WNT7B: variants seen among roughly 807,000 people sequenced by gnomAD.
The protein encoded by WNT7B is Wnt family member 7B.
A neutral mutation model predicts 38.2 loss-of-function variants in WNT7B; 19 were observed. The observed-to-expected ratio is 0.50, with a 90% confidence interval of 0.35 to 0.73. WNT7B has a LOEUF of 0.73. Ranked by LOEUF, WNT7B falls within the 30% of genes least tolerant of loss-of-function variation. WNT7B has a pLI of 0.01. For missense variants in WNT7B, 423 were observed against 507.9 expected (o/e 0.83, Z 1.61); for synonymous variants, 243 against 209.3 (o/e 1.16, Z -1.39).
intron 2 of WNT7B, among the ~76,000 whole-genome samples, chr22:45,932,381 G>A (rs1828438337): frequency 1.3e-5 from 2 of 151,884 alleles, no homozygotes; most frequent in African/African-American, 4.8e-5. Flanking sequence ...CCAAGGCCCG[G>A]GTCTGAGGCC....
chr22:45,935,722 C>T (rs1931498434), intron 2 of WNT7B: 2 of 801,570 alleles, frequency 2.5e-6, no homozygotes, highest in South Asian at 5.7e-5. Flanking sequence ...CTCCCCCACA[C>T]CACCTTATCT....
rs1383651980 is a variant in WNT7B, at chr22:45,921,094, C to T, written c.*1762G>A. The T allele has an allele frequency of 6.6e-6, 1 of 152,198 alleles. No homozygotes were observed. The highest frequency in any genetic ancestry group is 1.5e-5 in the Non-Finnish European group (1 of 68,138). 9.4% of individuals were successfully genotyped at this position (152,198 alleles called of 1,614,324 possible). On this transcript the variant is annotated 3_prime_UTR_variant, in exon 4 of 4. Transcript: ENST00000339464. ...TTGGCTTGTCGGCTGCTCAAGAACA[C>T]ATTCCTACGGGCTTCCAAGAGAACA...
At chr22:45,948,018 AG>A (rs1408766479) in intron 2 of WNT7B, among the ~76,000 whole-genome samples, 1 of 152,124 alleles carries the variant, frequency 6.6e-6, no homozygotes, top group Non-Finnish European at 1.5e-5. Flanking sequence ...ATAAAGTCCA[AG>A]CTCCCAGCCC....
chr22:45,928,105 GAGAAC>G (rs1931150968), intron 3 of WNT7B, among the ~76,000 whole-genome samples: 1 of 152,302 alleles, frequency 6.6e-6, no homozygotes, highest in South Asian at 2.1e-4. Flanking sequence ...AGAGCTGAGA[GAGAAC>G]AGGTGTCCTT....
intron 3 of WNT7B, chr22:45,927,533 A>G (rs1931126055): frequency 1.9e-5 from 29 of 1,513,924 alleles, no homozygotes; most frequent in Non-Finnish European, 2.3e-5. Flanking sequence ...GTGGTCAAGG[A>G]AACAACGGAG....
chr22:45,931,912 A>G (rs1280728065), intron 2 of WNT7B, among the ~76,000 whole-genome samples: 1 of 152,186 alleles, frequency 6.6e-6, no homozygotes, highest in African/African-American at 2.4e-5. Flanking sequence ...ACCCCCAGCC[A>G]GGAACCCAGG....
At chr22:45,972,959 G>A (rs1357916442) in intron 1 of WNT7B, among the ~76,000 whole-genome samples, 2 of 152,254 alleles carry the variant, frequency 1.3e-5, no homozygotes, top group Admixed American at 6.5e-5. Flanking sequence ...CTCTGCCCCC[G>A]TGTGCCCTGG....
chr22:45,956,258 T>A (rs1465763496), intron 1 of WNT7B, among the ~76,000 whole-genome samples: 1 of 152,176 alleles, frequency 6.6e-6, no homozygotes, highest in Non-Finnish European at 1.5e-5. Context: ...ACAGCTCCCA[T>A]CCATCTCAGA....
In WNT7B at chr22:45,976,746, T is replaced by G. The variant is rs1366131409; in HGVS notation, c.9A>C (p.Arg3Ser). MH[R>S]NFRKWIFYVF... ...CGTAGAAAATCCACTTGCGAAAGTTTCTGTGCATGATCCAGGGAGGGGGGC... is the reference window on the plus strand; with the variant it reads ...CGTAGAAAATCCACTTGCGAAAGTTGCTGTGCATGATCCAGGGAGGGGGGC... The change falls in exon 1 of 4, where the codon AGA becomes AGC. Residue 3 changes from arginine to serine, a missense_variant. By Grantham distance (110) the Arg-to-Ser change is moderately radical (BLOSUM62 -1). Transcript: ENST00000339464. The surrounding 1 kb of genome is among the most constrained non-coding windows in gnomAD (Gnocchi z 8.5). The G allele has an allele frequency of 6.2e-7, 1 of 1,609,002 alleles. No individual in the cohort carries two copies. Among genetic ancestry groups the G allele is most frequent in the South Asian group, 1.1e-5 (1 of 90,850 alleles).
chr22:45,954,401 T>A (rs924214825), intron 1 of WNT7B, among the ~76,000 whole-genome samples: 1 of 152,184 alleles, frequency 6.6e-6, no homozygotes, highest in African/African-American at 2.4e-5. Context: ...ATAGTCAAAG[T>A]GGTAAATTTT....
chr22:45,957,713 C>T (rs1354152625), intron 1 of WNT7B, among the ~76,000 whole-genome samples: 1 of 60,892 alleles, frequency 1.6e-5, no homozygotes, highest in African/African-American at 5.8e-5. Context: ...AAAAAAAAAA[C>T]AGAAAACACG....
intron 3 of WNT7B, among the ~76,000 whole-genome samples, chr22:45,924,705 AG>A (rs1331922983): frequency 4.8e-5 from 7 of 144,488 alleles, no homozygotes; most frequent in Non-Finnish European, 4.5e-5. Flanking sequence ...AAGGCTCATC[AG>A]GTGGGTGCCG....
chr22:45,923,186 C>A lies in WNT7B; in HGVS notation c.720G>T (p.Val240=), dbSNP rs530478275. Residue 240 remains valine, a synonymous_variant, in exon 4 of 4, where the codon GTG becomes GTT. Transcript: ENST00000339464. ...EKYNAAVQVE[V]VRASRLRQPT... is the part of the protein sequence containing the mutation. ...GCTGCCGCAGACGGCTGGCCCGCAC[C>A]ACCTCCACCTGCACGGCCGCGTTGT... is the stretch of plus-strand genomic sequence containing the variant. 1 of 1,613,180 alleles carries A rather than the reference C, an allele frequency of 6.2e-7. No homozygotes were observed. The highest frequency in any genetic ancestry group is 1.1e-5 in the South Asian group (1 of 91,086).
chr22:45,973,665 C>T lies in WNT7B; in HGVS notation c.71+3019G>A, dbSNP rs114052565. On this transcript the variant is annotated intron_variant, in intron 1 of 3. Coordinates refer to ENST00000339464, the MANE Select transcript of WNT7B (RefSeq NM_058238.3). ...CTCCTCCAAGGCTGGAGCTGAAGGC[C>T]GCTCAGTCCAAAAAGGGCCCTGGGT... 5.8e-3 allele frequency among the ~76,000 whole-genome samples: 879 copies of T among 152,298 alleles called. 6 individuals are homozygous for T. The highest frequency in any genetic ancestry group is 0.019 in the African/African-American group (810 of 41,556).
chr22:45,937,046 T>G (rs923143589), intron 2 of WNT7B, among the ~76,000 whole-genome samples: 1 of 151,892 alleles, frequency 6.6e-6, no homozygotes, highest in Non-Finnish European at 1.5e-5. Flanking sequence ...GAGGAGGAGG[T>G]GGGAGAGGTA....
chr22:45,926,384 C>G (rs1444011943), intron 3 of WNT7B: 1 of 985,226 alleles, frequency 1.0e-6, no homozygotes, highest in Non-Finnish European at 1.2e-6. Context: ...CGCTGGGGGC[C>G]TGGTTGGGCA....
At chr22:45,960,697 T>C (rs771912350) in intron 1 of WNT7B, among the ~76,000 whole-genome samples, 8 of 152,220 alleles carry the variant, frequency 5.3e-5, no homozygotes, top group Non-Finnish European at 1.0e-4. Flanking sequence ...CAATTATCTG[T>C]GATCAGCCAG....
chr22:45,931,795 CAGGAGCCCCTCCT>C (rs1488200880), intron 2 of WNT7B, among the ~76,000 whole-genome samples: 2 of 152,176 alleles, frequency 1.3e-5, no homozygotes, highest in Non-Finnish European at 1.5e-5. Context: ...GCCAGCCTCC[CAGGAGCCCCTCCT>C]CATGAACGGG....
chr22:45,949,651 A>G (rs1189056386), intron 2 of WNT7B, among the ~76,000 whole-genome samples: 5 of 152,222 alleles, frequency 3.3e-5, no homozygotes, highest in Non-Finnish European at 7.4e-5. Flanking sequence ...CCAAGGGCCC[A>G]CGGCCACGTC....
Sources: gnomAD v4.1 joint callset for allele counts (sites outside exome capture counted in the v4.1 genomes callset) on GRCh38, gnomAD v4.1.1 for gene constraint, Gnocchi (gnomAD v3.1) non-coding constraint, MANE v1.5 for transcripts, NCBI Gene and HGNC (gene_info 2026-07-23, HGNC 2026-07-21) for gene names.